The following CSF2RA variants were observed in gnomAD, a reference collection of about 807,000 sequenced individuals.
The protein encoded by CSF2RA is colony stimulating factor 2 receptor subunit alpha, also known as granulocyte-macrophage colony-stimulating factor receptor subunit alpha.
A neutral mutation model predicts 51.6 loss-of-function variants in CSF2RA; 42 were observed. The ratio of observed to expected loss-of-function variants is 0.81; its 90% confidence interval spans 0.64 to 1.05. The LOEUF (loss-of-function observed/expected upper bound fraction) is 1.05. Ranked by LOEUF, CSF2RA falls within the 50% of genes least tolerant of loss-of-function variation. The pLI is 0.00. For missense variants in CSF2RA, 530 were observed against 501.1 expected, an observed-to-expected ratio of 1.06 and a Z score of -0.55; for synonymous variants, 222 against 193.0, an observed-to-expected ratio of 1.15 and a Z score of -1.24.
intron 6 of CSF2RA, among the ~76,000 whole-genome samples, chrX:1,289,613 TTTTTG>T (rs760830122): frequency 2.4e-4 from 36 of 152,090 alleles, no homozygotes; most frequent in South Asian, 6.2e-4. Context: ...TTTGTGTTTG[TTTTTG>T]TTTTGTTTTG....
In CSF2RA at chrX:1,302,206, C is replaced by G. The variant is rs191080319; in HGVS notation, c.946+1580C>G. 3.1e-3 allele frequency among the ~76,000 whole-genome samples: 477 copies of G among 152,084 alleles called. 3 individuals carry two copies. Among genetic ancestry groups the G allele is most frequent in the African/African-American group, 0.011 (456 of 41,514 alleles). On this transcript the variant is annotated intron_variant, in intron 10 of 12. Transcript: ENST00000381529. ...GCTGCAATGACAGGCGTGAGCCACC[C>G]TGCCCGTCCGGGGAAGCTCTCTTCA...
chrX:1,306,475 C>T (rs191635444), intron 12 of CSF2RA, among the ~76,000 whole-genome samples: 2,556 of 151,984 alleles, frequency 0.017, 68 homozygotes, highest in African/African-American at 0.058. Flanking sequence ...GAAGAAACCT[C>T]GTCTCTACTA....
chrX:1,285,832 C>G lies in CSF2RA; in HGVS notation c.131C>G (p.Thr44Arg), dbSNP rs746211899. The G allele has an allele frequency of 2.5e-6, 4 of 1,613,366 alleles. No homozygotes were observed. The South Asian group carries it at 4.4e-5, about 18-fold the overall frequency. The change falls in exon 4 of 13, where the codon ACG (threonine) becomes AGG (arginine). Residue 44 changes from threonine (T) to arginine (R), a missense_variant. By Grantham distance (71) the Thr-to-Arg change is moderately conservative (BLOSUM62 -1). Coordinates refer to ENST00000381529, the MANE Select transcript of CSF2RA (RefSeq NM_172245.4). ...SSLNVRFDSRTMNLSWDCQEN... is the reference protein window; with the variant it reads ...SSLNVRFDSRRMNLSWDCQEN... Reference sequence around the variant, plus strand: ...CTCAATGTGAGGTTTGACTCCAGGACGATGAATTTAAGCTGGGACTGCCAA... The same window carrying G: ...CTCAATGTGAGGTTTGACTCCAGGAGGATGAATTTAAGCTGGGACTGCCAA...
At chrX:1,305,550 G>A in intron 12 of CSF2RA, 23 bp downstream of exon 12, 1 of 1,613,996 alleles carries the variant, frequency 6.2e-7, no homozygotes, top group Non-Finnish European at 8.5e-7. Flanking sequence ...GGGCGGAGCA[G>A]TGACCTGGGA....
At chrX:1,305,932 A>G (rs1463071738) in intron 12 of CSF2RA, 9 of 755,286 alleles carry the variant, frequency 1.2e-5, no homozygotes, top group Admixed American at 7.7e-5. Context: ...AATACAAAAA[A>G]TTAGCTGGGT....
intron 2 of CSF2RA, among the ~76,000 whole-genome samples, chrX:1,280,886 T>TCTCCTCCTCCTCCTCCTC (rs1228252614): frequency 7.7e-5 from 5 of 65,126 alleles, no homozygotes; most frequent in Non-Finnish European, 9.1e-5. Flanking sequence ...TCCTGCTCCT[T>TCTCCTCCTCCTCCTCCTC]CTCCTCCTCC....
At chrX:1,315,450 C>T in the CSF2RA span, among the ~76,000 whole-genome samples, 1 of 152,076 alleles carries the variant, frequency 6.6e-6, no homozygotes, top group African/African-American at 2.4e-5. Context: ...GTCACCCAGG[C>T]TGGAGTGCAG....
intron 9 of CSF2RA, among the ~76,000 whole-genome samples, chrX:1,296,020 C>A (rs1256547201): frequency 2.0e-5 from 3 of 151,266 alleles, no homozygotes; most frequent in Non-Finnish European, 3.0e-5. Context: ...ACTCACGACG[C>A]CTACAGTTCC....
the CSF2RA span, among the ~76,000 whole-genome samples, chrX:1,322,095 T>C: frequency 0.7 from 105,265 of 151,194 alleles, 36,813 homozygotes; most frequent in Non-Finnish European, 0.75. Context: ...TATAATAACA[T>C]CCTATTATTT....
Position 1,295,856 on chromosome X carries a change from C to G in CSF2RA, c.810+400C>G, listed in dbSNP as rs772936077. Among the ~76,000 whole-genome samples, 155 of 130,064 alleles carry G rather than the reference C, an allele frequency of 1.2e-3. 1 individual carries two copies. The highest frequency in any genetic ancestry group is 4.5e-3 in the African/African-American group (148 of 32,698). The allele number at this position is 130,064 out of a possible 152,430, so 85.3% of individuals were successfully genotyped here. A position where few individuals can be genotyped will look rare whatever the true frequency, so the allele number is the denominator to read the frequency against. ...GCTTAATCCTACAGTCCCCTACTCA[C>G]CACACCTAATGTAACTCTACAGTCC... On this transcript the variant is annotated intron_variant, in intron 9 of 12. Coordinates refer to ENST00000381529, the MANE Select transcript of CSF2RA (RefSeq NM_172245.4).
chrX:1,279,510 A>T (rs1181890779), intron 2 of CSF2RA, among the ~76,000 whole-genome samples: 9 of 151,916 alleles, frequency 5.9e-5, no homozygotes, highest in African/African-American at 1.9e-4. Context: ...TCTCAAGGTC[A>T]GGCCCACCCA....
chrX:1,318,478 T>A, the CSF2RA span, among the ~76,000 whole-genome samples: 1 of 151,592 alleles, frequency 6.6e-6, no homozygotes, highest in Non-Finnish European at 1.5e-5. Flanking sequence ...TGAACTTTTG[T>A]CTCCACTGGC....
intron 3 of CSF2RA, among the ~76,000 whole-genome samples, chrX:1,284,195 C>CTCTTTTTTTTTTTTTTTTTTTT (rs1443798206): frequency 1.1e-5 from 1 of 91,750 alleles, no homozygotes; most frequent in African/African-American, 3.9e-5. Context: ...CTCTGTCTCT[C>CTCTTTTTTTTTTTTTTTTTTTT]TTTTTTTTTT....
downstream of CSF2RA, among the ~76,000 whole-genome samples, chrX:1,314,262 C>G (rs367664876): frequency 0.14 from 3,330 of 23,010 alleles, 247 homozygotes; most frequent in Admixed American, 0.26. Flanking sequence ...CTGCCCAACC[C>G]CACTGCGCCT....
chrX:1,282,702 C>T lies in CSF2RA; in HGVS notation c.-2C>T. The T allele has an allele frequency of 6.2e-7, 1 of 1,612,972 alleles. No individual in the cohort carries two copies. ...GCTCTTCCCTTCTCTCTGACCAGCA[C>T]CATGCTTCTCCTGGTGACAAGCCTT... On this transcript the variant is annotated 5_prime_UTR_variant, in exon 3 of 13. Coordinates refer to ENST00000381529, the MANE Select transcript of CSF2RA (RefSeq NM_172245.4).
chrX:1,301,143 A>G (rs2092339321), intron 10 of CSF2RA, among the ~76,000 whole-genome samples: 1 of 145,062 alleles, frequency 6.9e-6, no homozygotes, highest in African/African-American at 2.6e-5. Context: ...ACAGCGTGAG[A>G]CTCCGTCTCA....
chrX:1,318,463 G>T, the CSF2RA span, among the ~76,000 whole-genome samples: 1 of 150,934 alleles, frequency 6.6e-6, no homozygotes, highest in Non-Finnish European at 1.5e-5. Flanking sequence ...GCGCCAGGCC[G>T]AAGCTGAACT....
intron 9 of CSF2RA, among the ~76,000 whole-genome samples, chrX:1,297,232 C>G (rs1409646086): frequency 1.8e-4 from 2 of 11,246 alleles, no homozygotes; most frequent in Admixed American, 1.2e-3. Context: ...CTCACGACCC[C>G]TACAGTCTCC....
In CSF2RA at chrX:1,300,587, A is replaced by C; in HGVS notation, c.907A>C (p.Ile303Leu). 16 of 1,613,930 alleles carry C rather than the reference A, an allele frequency of 9.9e-6. No individual in the cohort carries two copies. Among genetic ancestry groups the C allele is most frequent in the African/African-American group, 1.3e-5 (1 of 75,036 alleles). ...GAAGATCAGAGCTGCAGACGTCCGC[A>C]TCTTGAATTGGAGCTCCTGGAGTGA... ...SVKIRAADVR[I>L]LNWSSWSEAI... Residue 303 changes from isoleucine (I) to leucine (L), a missense_variant, in exon 10 of 13, where the codon ATC becomes CTC. Transcript: ENST00000381529.
Sources: allele counts gnomAD v4.1 joint callset (sites outside exome capture counted in the v4.1 genomes callset), GRCh38; gene constraint gnomAD v4.1.1; transcripts MANE v1.5; gene names NCBI Gene and HGNC (gene_info 2026-07-23, HGNC 2026-07-21).